ASTN2: variants seen among roughly 807,000 people sequenced by gnomAD.
ASTN2 encodes the protein astrotactin-2.
ASTN2 carries 54 observed loss-of-function variants against 139.8 expected under a neutral mutation model. That is an observed-to-expected ratio of 0.39 (90% CI 0.31 to 0.48). The LOEUF (loss-of-function observed/expected upper bound fraction) is 0.48. Among genes scored for constraint, ASTN2 ranks in the 20% least tolerant of loss-of-function variants. ASTN2 has a pLI of 0.95. For synonymous variants in ASTN2, 756 were observed against 719.5 expected (o/e 1.05, Z -0.81); for missense variants, 1,565 against 1,725.1 (o/e 0.91, Z 1.64).
At chr9:116,712,575 C>T (rs1361627661) in intron 16 of ASTN2, among the ~76,000 whole-genome samples, 1 of 152,172 alleles carries the variant, frequency 6.6e-6, no homozygotes, top group Non-Finnish European at 1.5e-5. Context: ...GTTATGCCAC[C>T]TCCTGCTTCT....
At chr9:116,504,688 A>G (rs1229428534) in intron 19 of ASTN2, among the ~76,000 whole-genome samples, 1 of 152,074 alleles carries the variant, frequency 6.6e-6, no homozygotes, top group Non-Finnish European at 1.5e-5. Context: ...TTTCAGCTTA[A>G]TAACAATATG....
intron 19 of ASTN2, among the ~76,000 whole-genome samples, chr9:116,589,549 T>C (rs16933726): frequency 0.038 from 5,766 of 152,258 alleles, 348 homozygotes; most frequent in African/African-American, 0.13. Flanking sequence ...CACTGCCACA[T>C]GATGTCACTA....
chr9:116,548,104 C>CCCTG (rs1491407761), intron 19 of ASTN2, among the ~76,000 whole-genome samples: 410 of 92,904 alleles, frequency 4.4e-3, no homozygotes, highest in African/African-American at 0.019. Flanking sequence ...AACCAAAGCA[C>CCCTG]TCTGTTTTCT....
At chr9:116,813,148 T>G (rs940751706) in intron 12 of ASTN2, among the ~76,000 whole-genome samples, 2 of 151,490 alleles carry the variant, frequency 1.3e-5, no homozygotes, top group African/African-American at 4.9e-5. Flanking sequence ...AAGATCTACA[T>G]GAAACTCTAT....
At chr9:116,881,530 T>C (rs147052631) in intron 10 of ASTN2, among the ~76,000 whole-genome samples, 59 of 152,360 alleles carry the variant, frequency 3.9e-4, no homozygotes, top group Non-Finnish European at 6.5e-4. Flanking sequence ...CTCTCAGGAC[T>C]GATATTAAAA....
chr9:116,626,146 GTTTTTGTGTTTTTTTTTTTTT>G (rs1856442706), intron 17 of ASTN2, among the ~76,000 whole-genome samples: 1 of 78,468 alleles, frequency 1.3e-5, no homozygotes, highest in South Asian at 4.9e-4. Flanking sequence ...TGCCTGGTTA[GTTTTTGTGTTTTTTTTTTTTT>G]TTTTTTTTTT....
At chr9:116,465,414 C>T (rs1032589012) in intron 20 of ASTN2, among the ~76,000 whole-genome samples, 4 of 152,152 alleles carry the variant, frequency 2.6e-5, no homozygotes, top group Admixed American at 1.3e-4. Flanking sequence ...GACCTCGCCA[C>T]GGCTGGACAA....
chr9:117,342,327 T>G (rs150790934), intron 1 of ASTN2, among the ~76,000 whole-genome samples: 198 of 152,318 alleles, frequency 1.3e-3, no homozygotes, highest in African/African-American at 4.2e-3. Context: ...AAACTCAGTT[T>G]TATCAGCTGA....
intron 2 of ASTN2, among the ~76,000 whole-genome samples, chr9:117,281,014 T>A (rs1834311449): frequency 1.3e-5 from 2 of 152,220 alleles, no homozygotes; most frequent in Non-Finnish European, 2.9e-5. Flanking sequence ...AAGAGCAATC[T>A]TTTCTGCCCC....
At chr9:116,783,835 T>C (rs1209089734) in intron 13 of ASTN2, among the ~76,000 whole-genome samples, 1 of 152,180 alleles carries the variant, frequency 6.6e-6, no homozygotes, top group African/African-American at 2.4e-5. Context: ...CAAAATCTTA[T>C]GCTCTTTATC....
intron 2 of ASTN2, among the ~76,000 whole-genome samples, chr9:117,244,880 T>C (rs1833332790): frequency 6.6e-6 from 1 of 152,074 alleles, no homozygotes; most frequent in Non-Finnish European, 1.5e-5. Flanking sequence ...AGCTCTCCTA[T>C]CATCAACGTG....
chr9:116,565,407 A>T (rs1196910272), intron 19 of ASTN2, among the ~76,000 whole-genome samples: 5 of 109,380 alleles, frequency 4.6e-5, no homozygotes, highest in African/African-American at 1.8e-4. Context: ...ATATATATAT[A>T]TATATATATA....
chr9:116,986,745 G>A (rs1181439254), intron 7 of ASTN2, among the ~76,000 whole-genome samples: 1 of 152,206 alleles, frequency 6.6e-6, no homozygotes, highest in East Asian at 1.9e-4. Context: ...ACAAAGTCAA[G>A]TGTGCCAGAG....
At chr9:117,331,142 C>A (rs904019433) in intron 1 of ASTN2, among the ~76,000 whole-genome samples, 13 of 152,126 alleles carry the variant, frequency 8.5e-5, no homozygotes, top group Admixed American at 6.6e-5. Context: ...CTAAGTGTCC[C>A]AATCACAGAA....
chr9:117,065,762 C>A (rs1191886785), intron 5 of ASTN2, among the ~76,000 whole-genome samples: 1 of 152,146 alleles, frequency 6.6e-6, no homozygotes, highest in Non-Finnish European at 1.5e-5. Context: ...ATCTATCAAC[C>A]TTTCCTTTCC....
chr9:116,526,198 A>G (rs975531849), intron 19 of ASTN2, among the ~76,000 whole-genome samples: 2 of 152,212 alleles, frequency 1.3e-5, no homozygotes, highest in Admixed American at 1.3e-4. Flanking sequence ...ATTCACATAT[A>G]TGCTCCAGTT....
rs188524207 is a variant in ASTN2, at chr9:116,532,240, C to A, written c.3356-44740G>T. ...TTTTTCTTGTAAATTTGTTTGAGTT[C>A]TTTGTAGATTCTGGATATTAGCCCT... On this transcript the variant is annotated intron_variant, in intron 19 of 22. Coordinates refer to ENST00000313400, the MANE Select transcript of ASTN2 (RefSeq NM_001365068.1). 2.0e-4 allele frequency among the ~76,000 whole-genome samples: 30 copies of A among 152,180 alleles called. No individual in the cohort carries two copies. In the East Asian group the frequency reaches 5.4e-3, roughly 27 times the overall value.
In ASTN2 at chr9:117,114,025, A is replaced by C. The variant is rs183271625; in HGVS notation, c.1169-17874T>G. 2.9e-3 allele frequency among the ~76,000 whole-genome samples: 435 copies of C among 150,514 alleles called. 2 individuals carry two copies. The highest frequency in any genetic ancestry group is 0.01 in the African/African-American group (420 of 40,580). On this transcript the variant is annotated intron_variant, in intron 4 of 22. Coordinates refer to ENST00000313400, the MANE Select transcript of ASTN2 (RefSeq NM_001365068.1). ...TTAATAAAGATCATTTTTAAGTTGC[A>C]TGTAGAAAAATATAAGTAAAGCTTG... is the stretch of plus-strand genomic sequence containing the variant.
chr9:116,794,992 T>C (rs1830653707), intron 13 of ASTN2, among the ~76,000 whole-genome samples: 1 of 152,208 alleles, frequency 6.6e-6, no homozygotes, highest in Non-Finnish European at 1.5e-5. Flanking sequence ...GCTTGGTTTT[T>C]TCAGATGGAG....
Sources: allele counts gnomAD v4.1 joint callset (sites outside exome capture counted in the v4.1 genomes callset), GRCh38; gene constraint gnomAD v4.1.1; transcripts MANE v1.5; gene names NCBI Gene and HGNC (gene_info 2026-07-23, HGNC 2026-07-21).